Variants in IL1RAPL1 observed in about 807,000 individuals in gnomAD.
IL1RAPL1 encodes the protein interleukin 1 receptor accessory protein like 1.
A neutral mutation model predicts 48.4 loss-of-function variants in IL1RAPL1; 3 were observed. That is an observed-to-expected ratio of 0.06 (90% CI 0.03 to 0.16). The LOEUF (loss-of-function observed/expected upper bound fraction) is 0.16, where lower values mean the gene tolerates loss of function less well. IL1RAPL1 is among the 10% of genes least tolerant of loss of function. The pLI, the probability that IL1RAPL1 is intolerant of heterozygous loss-of-function variation, is 1.00. For missense variants in IL1RAPL1, 349 were observed against 530.6 expected, an observed-to-expected ratio of 0.66 and a Z score of 3.36; for synonymous variants, 185 against 187.7, an observed-to-expected ratio of 0.99 and a Z score of 0.12.
chrX:29,867,444 C>G (rs1262597530), intron 6 of IL1RAPL1, among the ~76,000 whole-genome samples: 1 of 111,141 alleles, frequency 9.0e-6, no homozygotes, highest in Non-Finnish European at 1.9e-5. Flanking sequence ...AGAGAGTGGC[C>G]TAGGCCCTTT....
chrX:28,992,489 CAA>C (rs1246127181), intron 2 of IL1RAPL1, among the ~76,000 whole-genome samples: 1 of 16,526 alleles, frequency 6.1e-5, no homozygotes. Context: ...GACTCTGTCT[CAA>C]AAAAAAAAAA....
chrX:29,362,839 CAT>C (rs775510472), intron 3 of IL1RAPL1, among the ~76,000 whole-genome samples: 1 of 112,329 alleles, frequency 8.9e-6, no homozygotes, highest in African/African-American at 3.2e-5. Context: ...TCATCTAAAA[CAT>C]AGCCTTCAAA....
intron 2 of IL1RAPL1, among the ~76,000 whole-genome samples, chrX:29,142,853 A>C (rs1250307185): frequency 9.1e-6 from 1 of 110,079 alleles, no homozygotes; most frequent in Non-Finnish European, 1.9e-5. Flanking sequence ...GATGTGTGCC[A>C]CCACACCTGA....
At chrX:29,128,829 A>C (rs225035) in intron 2 of IL1RAPL1, among the ~76,000 whole-genome samples, 41,284 of 109,718 alleles carry the variant, frequency 0.38, 6,845 homozygotes, top group Non-Finnish European at 0.52. Flanking sequence ...TTAAGTGTTT[A>C]TTTTTATTTG....
intron 3 of IL1RAPL1, among the ~76,000 whole-genome samples, chrX:29,304,119 C>T (rs1047631915): frequency 6.3e-5 from 7 of 111,117 alleles, no homozygotes; most frequent in African/African-American, 1.3e-4. Context: ...CATACCTGCC[C>T]GTCCCCTCCA....
At chrX:28,667,610 C>T (rs1257872777) in intron 1 of IL1RAPL1, among the ~76,000 whole-genome samples, 1 of 111,966 alleles carries the variant, frequency 8.9e-6, no homozygotes, top group Non-Finnish European at 1.9e-5. Context: ...CAGCTCTGAT[C>T]CCTCCTCTCC....
chrX:28,909,942 G>A (rs1187559837), intron 2 of IL1RAPL1, among the ~76,000 whole-genome samples: 1 of 111,754 alleles, frequency 8.9e-6, no homozygotes, highest in Non-Finnish European at 1.9e-5. Context: ...TTGTGCAACA[G>A]CATTTTAAAA....
At chrX:29,724,654 T>C (rs894712778) in intron 6 of IL1RAPL1, among the ~76,000 whole-genome samples, 1 of 112,021 alleles carries the variant, frequency 8.9e-6, no homozygotes, top group Non-Finnish European at 1.9e-5. Flanking sequence ...GAGACAGACC[T>C]GGCTTCAAAT....
intron 3 of IL1RAPL1, among the ~76,000 whole-genome samples, chrX:29,353,233 T>C (rs1933257135): frequency 9.0e-6 from 1 of 111,526 alleles, no homozygotes; most frequent in Non-Finnish European, 1.9e-5. Flanking sequence ...GAGAGTATTA[T>C]TGAGATGATT....
At chrX:29,649,853 A>G (rs1925459056) in intron 5 of IL1RAPL1, among the ~76,000 whole-genome samples, 1 of 111,791 alleles carries the variant, frequency 8.9e-6, no homozygotes, top group Non-Finnish European at 1.9e-5. Flanking sequence ...TTATATATAT[A>G]GAAAACCCTG....
At chrX:29,478,558 C>T (rs1021441132) in intron 5 of IL1RAPL1, among the ~76,000 whole-genome samples, 1 of 110,666 alleles carries the variant, frequency 9.0e-6, no homozygotes, top group African/African-American at 3.3e-5. Context: ...GGTCAGAACA[C>T]CCCCAGGGTC....
At chrX:29,625,294 C>G (rs1602332930) in intron 5 of IL1RAPL1, among the ~76,000 whole-genome samples, 1 of 111,408 alleles carries the variant, frequency 9.0e-6, no homozygotes, top group East Asian at 2.8e-4. Flanking sequence ...AAAGTATAAC[C>G]TAAGTAAATT....
At chrX:29,418,648 G>C (rs1934253888) in intron 5 of IL1RAPL1, among the ~76,000 whole-genome samples, 1 of 111,279 alleles carries the variant, frequency 9.0e-6, no homozygotes, top group Admixed American at 9.6e-5. Context: ...TGAAGGAAGT[G>C]AAGTAGAAGA....
chrX:29,100,166 C>T (rs1458953209), intron 2 of IL1RAPL1, among the ~76,000 whole-genome samples: 1 of 111,420 alleles, frequency 9.0e-6, no homozygotes, highest in African/African-American at 3.3e-5. Context: ...GAGCCAAGAT[C>T]GTGCCACTGC....
chrX:29,571,976 G>A (rs770513752), intron 5 of IL1RAPL1, among the ~76,000 whole-genome samples: 4 of 111,916 alleles, frequency 3.6e-5, no homozygotes, highest in Non-Finnish European at 3.8e-5. Context: ...GACCTTTAAG[G>A]TCCTCCCAGG....
rs751002834 is a variant in IL1RAPL1, at chrX:29,684,546, T to C, written c.778+16042T>C. On this transcript the variant is annotated intron_variant, in intron 6 of 10. Transcript: ENST00000378993. ...TTGGGTTTTGTTTTTTGTTTTTCTA[T>C]TCAGTTGCATGTCTCTTGAATCTGC... Among the ~76,000 whole-genome samples, 17 of 110,537 alleles carry C rather than the reference T, an allele frequency of 1.5e-4. 1 individual carries two copies. In the East Asian group the frequency reaches 3.1e-3, roughly 20 times the overall value.
chrX:29,731,479 G>C (rs746293187), intron 6 of IL1RAPL1, among the ~76,000 whole-genome samples: 5 of 112,299 alleles, frequency 4.5e-5, no homozygotes, highest in Non-Finnish European at 9.4e-5. Flanking sequence ...GGGTCTGAGA[G>C]ACTGTGACTC....
At position 29,473,970 on chromosome X, in the gene IL1RAPL1, C is replaced by A. The variant is rs769930121; in HGVS notation, c.703+74662C>A. Among the ~76,000 whole-genome samples the A allele has an allele frequency of 1.1e-4, 12 of 110,934 alleles. No homozygotes were observed. In the South Asian group the frequency reaches 4.6e-3, roughly 42 times the overall value. On this transcript the variant is annotated intron_variant, in intron 5 of 10. Coordinates refer to ENST00000378993, the MANE Select transcript of IL1RAPL1 (RefSeq NM_014271.4). ...CACTGTAAACAGCTACTTTTTTCCCCTCATTTTTAACACCTCATTTCCTCT... is the reference window on the plus strand; with the variant it reads ...CACTGTAAACAGCTACTTTTTTCCCATCATTTTTAACACCTCATTTCCTCT...
At chrX:29,427,460 A>G (rs779434622) in intron 5 of IL1RAPL1, among the ~76,000 whole-genome samples, 17 of 111,891 alleles carry the variant, frequency 1.5e-4, no homozygotes, top group Non-Finnish European at 2.8e-4. Flanking sequence ...GACCTCCACA[A>G]GAACTCAGAA....
Sources: gnomAD v4.1 joint callset for allele counts (sites outside exome capture counted in the v4.1 genomes callset) on GRCh38, gnomAD v4.1.1 for gene constraint, MANE v1.5 for transcripts, NCBI Gene and HGNC (gene_info 2026-07-23, HGNC 2026-07-21) for gene names.